Variants in WASF3 observed in about 807,000 individuals in gnomAD.
WASF3 encodes the protein actin-binding protein WASF3.
WASF3 carries 11 observed loss-of-function variants against 46.6 expected under a neutral mutation model. The observed-to-expected ratio is 0.24, with a 90% CI of 0.15 to 0.39. The LOEUF (loss-of-function observed/expected upper bound fraction) is 0.39. WASF3 is among the 10% of genes least tolerant of loss of function. The pLI, the probability that WASF3 is intolerant of heterozygous loss-of-function variation, is 1.00. For synonymous variants in WASF3, 242 were observed against 259.7 expected, an observed-to-expected ratio of 0.93 and a Z score of 0.65; for missense variants, 576 against 669.8, an observed-to-expected ratio of 0.86 and a Z score of 1.55.
intron 3 of WASF3, 59 bp downstream of exon 3, chr13:26,642,462 T>G: frequency 6.6e-7 from 1 of 1,526,140 alleles, no homozygotes; most frequent in Non-Finnish European, 8.8e-7. Flanking sequence ...AAATTGATTT[T>G]AATAGTTAAA....
At chr13:26,666,276 C>T (rs569422456) in intron 4 of WASF3, among the ~76,000 whole-genome samples, 1 of 152,302 alleles carries the variant, frequency 6.6e-6, no homozygotes, top group African/African-American at 2.4e-5. Flanking sequence ...ATTCATCTTT[C>T]TTCAACTTTT....
intron 2 of WASF3, among the ~76,000 whole-genome samples, chr13:26,614,939 G>A (rs1338731019): frequency 1.3e-5 from 1 of 75,726 alleles, no homozygotes; most frequent in African/African-American, 5.6e-5. Context: ...TAGAAGCGCT[G>A]TCTGTGTTCA....
At position 26,676,732 on chromosome 13, in the gene WASF3, T is replaced by G; in HGVS notation, c.716+8T>G. 6.2e-7 allele frequency: 1 copy of G among 1,610,482 alleles called. No individual in the cohort carries two copies. The highest frequency in any genetic ancestry group is 8.5e-7 in the Non-Finnish European group (1 of 1,178,156). On this transcript the variant is annotated splice_region_variant and intron_variant, in intron 7 of 9. Transcript: ENST00000335327. ...CCTGTCCCCAGATACTAGGTGTGTG[T>G]GTGTCACTGCTCCCTCAGCCCTGAT...
At chr13:26,676,779 C>T (rs1012193586) in intron 7 of WASF3, 55 bp downstream of exon 7, 1 of 1,517,482 alleles carries the variant, frequency 6.6e-7, no homozygotes, top group Non-Finnish European at 8.9e-7. Flanking sequence ...TGGGTACTAC[C>T]TGGTTTTATT....
intron 9 of WASF3, among the ~76,000 whole-genome samples, chr13:26,684,240 G>A (rs1883332354): frequency 2.0e-5 from 3 of 151,312 alleles, no homozygotes; most frequent in Admixed American, 2.0e-4. Context: ...TGAATATCAA[G>A]TTCGGGGTCA....
chr13:26,544,362 C>T, the WASF3 span, among the ~76,000 whole-genome samples: 7 of 152,260 alleles, frequency 4.6e-5, no homozygotes, highest in Admixed American at 1.3e-4. Flanking sequence ...AGGCCCAAAT[C>T]GGTTTTATAC....
At position 26,584,439 on chromosome 13, in the gene WASF3, T is replaced by G. The variant is rs542098; in HGVS notation, c.-109+26620T>G. Among the ~76,000 whole-genome samples, 132 of 152,084 alleles carry G rather than the reference T, an allele frequency of 8.7e-4. 1 individual carries two copies. The East Asian group carries it at 0.02, about 23-fold the overall frequency. ...GAACACAATTTTTGTGGAAACTAGT[T>G]CTAGGATTTGAAATGAAGACTATAT... On this transcript the variant is annotated intron_variant, in intron 1 of 9. Transcript: ENST00000335327.
At chr13:26,559,962 C>T (rs557741739) in intron 1 of WASF3, among the ~76,000 whole-genome samples, 74 of 151,272 alleles carry the variant, frequency 4.9e-4, no homozygotes, top group South Asian at 2.1e-4. Context: ...GGAGTACAGG[C>T]GCCCGCCACC....
intron 3 of WASF3, among the ~76,000 whole-genome samples, chr13:26,647,115 G>A (rs908976338): frequency 6.6e-6 from 1 of 152,158 alleles, no homozygotes; most frequent in Non-Finnish European, 1.5e-5. Flanking sequence ...GCTTTTTAGG[G>A]AATTGAAATC....
At chr13:26,638,610 A>G (rs1179753135) in intron 2 of WASF3, 1 of 152,220 alleles carries the variant, frequency 6.6e-6, no homozygotes, top group Admixed American at 6.5e-5. Flanking sequence ...TTGTAATTGC[A>G]AAGTATTTTC....
chr13:26,550,456 T>C, the WASF3 span, among the ~76,000 whole-genome samples: 1 of 152,188 alleles, frequency 6.6e-6, no homozygotes, highest in East Asian at 1.9e-4. Flanking sequence ...AGAGGAATAA[T>C]TAAAACTCAC....
chr13:26,623,009 G>C (rs780772729), intron 2 of WASF3, among the ~76,000 whole-genome samples: 2 of 152,204 alleles, frequency 1.3e-5, no homozygotes, highest in Non-Finnish European at 2.9e-5. Flanking sequence ...AAACCCATCT[G>C]AGAGTAGACA....
At chr13:26,681,000 C>T (rs141344434) in intron 7 of WASF3, 54 bp from the exon 8 acceptor site, 21,753 of 1,557,604 alleles carry the variant, frequency 0.014, 220 homozygotes, top group Middle Eastern at 0.035. Flanking sequence ...GCCTGTTAGC[C>T]GACAATTTTT....
Position 26,613,210 on chromosome 13 carries a change from G to A in WASF3, c.-11+152G>A, listed in dbSNP as rs1035799569. 4.0e-5 allele frequency among the ~76,000 whole-genome samples: 6 copies of A among 150,442 alleles called. No individual in the cohort carries two copies. In the East Asian group the frequency reaches 1.2e-3, roughly 29 times the overall value. The stretch of plus-strand genomic sequence containing the variant: ...ATACTTTAATATATAAATATTAACA[G>A]CAGGTAATATTTTAGAGCTTTAGAT... On this transcript the variant is annotated intron_variant, in intron 2 of 9. Coordinates refer to ENST00000335327, the MANE Select transcript of WASF3 (RefSeq NM_006646.6).
the WASF3 span, among the ~76,000 whole-genome samples, chr13:26,541,259 C>T: frequency 6.0e-4 from 92 of 152,210 alleles, no homozygotes; most frequent in African/African-American, 1.9e-3. Flanking sequence ...TGAGTCCCAA[C>T]GTGTTGGGCG....
At chr13:26,600,273 G>A (rs1462378253) in intron 1 of WASF3, among the ~76,000 whole-genome samples, 5 of 152,124 alleles carry the variant, frequency 3.3e-5, no homozygotes, top group Non-Finnish European at 5.9e-5. Flanking sequence ...TAAAAGCATG[G>A]TCTCTGAAAA....
upstream of WASF3, among the ~76,000 whole-genome samples, chr13:26,553,832 T>C (rs540257810): frequency 6.7e-6 from 1 of 149,558 alleles, no homozygotes; most frequent in Non-Finnish European, 1.5e-5. Flanking sequence ...AAAAAAAAAA[T>C]TATGGAGAGA....
intron 2 of WASF3, among the ~76,000 whole-genome samples, chr13:26,639,156 A>G (rs186943756): frequency 2.3e-3 from 350 of 152,348 alleles, no homozygotes; most frequent in African/African-American, 7.2e-3. Flanking sequence ...TTTGAAAACC[A>G]TAAAAATCAT....
At chr13:26,549,383 AT>A in the WASF3 span, among the ~76,000 whole-genome samples, 1 of 152,104 alleles carries the variant, frequency 6.6e-6, no homozygotes, top group East Asian at 1.9e-4. Flanking sequence ...AGCAAGAAAC[AT>A]TGTACTTAGC....
Sources: gnomAD v4.1 joint callset for allele counts (sites outside exome capture counted in the v4.1 genomes callset) on GRCh38, gnomAD v4.1.1 for gene constraint, MANE v1.5 for transcripts, NCBI Gene and HGNC (gene_info 2026-07-23, HGNC 2026-07-21) for gene names.